RBFOX1: variants seen among roughly 807,000 people sequenced by gnomAD.
RBFOX1 encodes the protein RNA binding fox-1 homolog 1.
RBFOX1 carries 8 observed loss-of-function variants against 57.7 expected under a neutral mutation model. That is an observed-to-expected ratio of 0.14 (90% confidence interval 0.08 to 0.25). The LOEUF is 0.25. RBFOX1 is among the 10% of genes least tolerant of loss of function. The pLI is 1.00. For synonymous variants in RBFOX1, 326 were observed against 222.4 expected, an observed-to-expected ratio of 1.47 and a Z score of -4.15; for missense variants, 611 against 548.5, an observed-to-expected ratio of 1.11 and a Z score of -1.14.
chr16:7,484,045 G>A (rs1031684800), intron 4 of RBFOX1, among the ~76,000 whole-genome samples: 4 of 151,964 alleles, frequency 2.6e-5, no homozygotes, highest in Non-Finnish European at 4.4e-5. Context: ...TCAGCTTTCT[G>A]TCCCTGTTGT....
chr16:5,970,959 G>C (rs186433540), intron 4 of RBFOX1, among the ~76,000 whole-genome samples: 54 of 152,316 alleles, frequency 3.5e-4, no homozygotes, highest in Admixed American at 7.2e-4. Context: ...TTTATACCCA[G>C]ATGTTTTTCC....
In RBFOX1 at chr16:7,518,384, G is replaced by A; in HGVS notation, c.265G>A (p.Ala89Thr). The change falls in exon 5 of 16, where the codon GCC (alanine) becomes ACC (threonine). Residue 89 changes from alanine (A) to threonine (T), a missense_variant. Ala to Thr is a moderately conservative substitution (Grantham distance 58). Around this residue, in one of 3 missense-constraint regions of RBFOX1, gnomAD observed 245 missense variants for 159.1 expected, o/e 1.54. Transcript: ENST00000550418. ...DTSAQTVSGTATQTDDAAPTD... is the reference protein window; with the variant it reads ...DTSAQTVSGTTTQTDDAAPTD... ...GAGCGCTCAGACCGTCTCTGGCACC[G>A]CCACAGTAAGTGGACGTGTTTGCTA... is the stretch of plus-strand genomic sequence containing the variant. The A allele has an allele frequency of 6.2e-7, 1 of 1,608,802 alleles. No individual in the cohort carries two copies. The highest frequency in any genetic ancestry group is 8.5e-7 in the Non-Finnish European group (1 of 1,176,614).
chr16:5,732,599 G>A (rs1410874557), intron 3 of RBFOX1, among the ~76,000 whole-genome samples: 1 of 152,194 alleles, frequency 6.6e-6, no homozygotes, highest in Admixed American at 6.5e-5. Flanking sequence ...GCCTTTCTGG[G>A]TCTCCGTTTC....
At chr16:5,511,609 C>T (rs1254448831) in intron 2 of RBFOX1, among the ~76,000 whole-genome samples, 3 of 152,114 alleles carry the variant, frequency 2.0e-5, no homozygotes, top group Non-Finnish European at 2.9e-5. Context: ...ATATGATAAT[C>T]AATAACTTTT....
At chr16:7,677,918 G>T (rs2146507973) in intron 14 of RBFOX1, among the ~76,000 whole-genome samples, 1 of 152,258 alleles carries the variant, frequency 6.6e-6, no homozygotes, top group African/African-American at 2.4e-5. Flanking sequence ...ACCTCGGTTT[G>T]CTGTGGTGTG....
chr16:6,878,191 G>C (rs527449991), intron 3 of RBFOX1, among the ~76,000 whole-genome samples: 1 of 152,150 alleles, frequency 6.6e-6, no homozygotes, highest in Admixed American at 6.5e-5. Flanking sequence ...GCAATATATT[G>C]TATGGTCACC....
At chr16:7,197,461 A>C (rs2087011586) in intron 4 of RBFOX1, among the ~76,000 whole-genome samples, 1 of 151,880 alleles carries the variant, frequency 6.6e-6, no homozygotes, top group African/African-American at 2.4e-5. Context: ...AAAAAAAAAA[A>C]ACATCAAGCT....
intron 3 of RBFOX1, among the ~76,000 whole-genome samples, chr16:6,673,424 C>G (rs2098780274): frequency 1.3e-5 from 2 of 151,946 alleles, no homozygotes; most frequent in Admixed American, 6.6e-5. Flanking sequence ...CGCATCTCTA[C>G]TAAAAATACA....
At chr16:7,125,938 C>T (rs1199803080) in intron 4 of RBFOX1, among the ~76,000 whole-genome samples, 1 of 152,094 alleles carries the variant, frequency 6.6e-6, no homozygotes, top group Non-Finnish European at 1.5e-5. Context: ...CAAAAATTAC[C>T]TGTGCGTGGT....
chr16:6,619,175 A>C (rs1177269168), intron 2 of RBFOX1, among the ~76,000 whole-genome samples: 1 of 152,128 alleles, frequency 6.6e-6, no homozygotes, highest in Non-Finnish European at 1.5e-5. Flanking sequence ...AGGAGAAAAA[A>C]AAAAACAACT....
At chr16:5,757,284 T>G (rs932068890) in intron 3 of RBFOX1, among the ~76,000 whole-genome samples, 1 of 146,338 alleles carries the variant, frequency 6.8e-6, no homozygotes, top group Non-Finnish European at 1.5e-5. Context: ...CAGGCTGGAG[T>G]GCAGTGGTGC....
chr16:7,246,338 C>G (rs2094297829), intron 4 of RBFOX1, among the ~76,000 whole-genome samples: 1 of 152,186 alleles, frequency 6.6e-6, no homozygotes. Context: ...TCCGTCCTTG[C>G]TCCCTGGCAT....
rs140585088 is a variant in RBFOX1, at chr16:6,997,744, T to C, written c.-15-54313T>C. 9.7e-4 allele frequency among the ~76,000 whole-genome samples: 148 copies of C among 152,314 alleles called. 1 individual carries two copies. The East Asian group carries it at 0.018, about 18-fold the overall frequency. The stretch of plus-strand genomic sequence containing the variant: ...TCTTGTAATGGAACTTAATTGAATA[T>C]TAACTTTGTTGTTCTCACAACTACA... On this transcript the variant is annotated intron_variant, in intron 3 of 15. Transcript: ENST00000550418.
chr16:6,081,857 C>T (rs1443291986), intron 1 of RBFOX1, among the ~76,000 whole-genome samples: 4 of 152,106 alleles, frequency 2.6e-5, no homozygotes, highest in Non-Finnish European at 5.9e-5. Flanking sequence ...AGTCCTAGTC[C>T]TTGTAATTGA....
intron 3 of RBFOX1, among the ~76,000 whole-genome samples, chr16:6,674,921 T>C (rs1035963405): frequency 2.6e-5 from 4 of 152,192 alleles, no homozygotes. Flanking sequence ...TGTCTTTTGT[T>C]TTTTGACACA....
chr16:6,914,340 G>A (rs562857858), intron 3 of RBFOX1, among the ~76,000 whole-genome samples: 1 of 152,166 alleles, frequency 6.6e-6, no homozygotes, highest in South Asian at 2.1e-4. Context: ...GGGGTGTCTG[G>A]GCTTAAATTA....
At chr16:6,324,965 C>A (rs1028020621) in intron 2 of RBFOX1, among the ~76,000 whole-genome samples, 5 of 152,124 alleles carry the variant, frequency 3.3e-5, no homozygotes, top group African/African-American at 9.7e-5. Flanking sequence ...ATTAGGTTTG[C>A]AACTAAATCA....
intron 1 of RBFOX1, among the ~76,000 whole-genome samples, chr16:6,210,104 G>C (rs1251263474): frequency 1.3e-5 from 2 of 151,760 alleles, no homozygotes; most frequent in Admixed American, 1.3e-4. Flanking sequence ...GATCACCTGA[G>C]GTCAGGAGTT....
chr16:7,349,823 C>A (rs1313364291), intron 4 of RBFOX1, among the ~76,000 whole-genome samples: 1 of 152,106 alleles, frequency 6.6e-6, no homozygotes, highest in African/African-American at 2.4e-5. Context: ...AGGAGAATAT[C>A]AGATGCTGTT....
Sources: allele counts gnomAD v4.1 joint callset (sites outside exome capture counted in the v4.1 genomes callset), GRCh38; gene constraint gnomAD v4.1.1; regional missense constraint gnomAD v4.1.1; transcripts MANE v1.5; gene names NCBI Gene and HGNC (gene_info 2026-07-23, HGNC 2026-07-21).